Variants in RAD51B observed in about 807,000 individuals in gnomAD.
The protein encoded by RAD51B is DNA repair protein RAD51 homolog 2.
RAD51B carries 38 observed loss-of-function variants against 42.2 expected under a neutral mutation model. The ratio of observed to expected loss-of-function variants is 0.90; its 90% CI spans 0.70 to 1.18. RAD51B has a LOEUF of 1.18. RAD51B is among the 50% of genes most tolerant of loss of function. The pLI is 0.00. For synonymous variants in RAD51B, 154 were observed against 145.2 expected (o/e 1.06, Z -0.43); for missense variants, 373 against 400.7 (o/e 0.93, Z 0.59).
chr14:68,160,606 T>G (rs972240269), intron 7 of RAD51B, among the ~76,000 whole-genome samples: 7 of 152,262 alleles, frequency 4.6e-5, no homozygotes, highest in African/African-American at 1.4e-4. Flanking sequence ...TAATTTTGAT[T>G]TTTTAAAATA....
At chr14:68,202,851 G>A (rs2079517624) in intron 7 of RAD51B, among the ~76,000 whole-genome samples, 1 of 151,814 alleles carries the variant, frequency 6.6e-6, no homozygotes, top group South Asian at 2.1e-4. Flanking sequence ...CAAAGTGCTG[G>A]GATTACAAGC....
chr14:68,094,591 A>G (rs1370307129), intron 7 of RAD51B, among the ~76,000 whole-genome samples: 1 of 152,204 alleles, frequency 6.6e-6, no homozygotes, highest in Non-Finnish European at 1.5e-5. Context: ...TTTGCTTATG[A>G]AGGTTTAGGA....
intron 8 of RAD51B, among the ~76,000 whole-genome samples, chr14:68,364,239 A>G (rs953338596): frequency 6.6e-6 from 1 of 151,554 alleles, no homozygotes. Flanking sequence ...CCCACTCCTC[A>G]TCGCGGGCCT....
intron 10 of RAD51B, among the ~76,000 whole-genome samples, chr14:68,637,513 G>A (rs541994912): frequency 1.3e-5 from 2 of 152,320 alleles, no homozygotes; most frequent in African/African-American, 4.8e-5. Flanking sequence ...GAGCGAGATG[G>A]TGGTCTTTGT....
chr14:68,500,534 T>C (rs1032885386), intron 10 of RAD51B, among the ~76,000 whole-genome samples: 2 of 152,240 alleles, frequency 1.3e-5, no homozygotes, highest in Admixed American at 1.3e-4. Flanking sequence ...TGTATTTTAC[T>C]AGCAGCACTG....
chr14:68,157,709 A>C (rs1341598281), intron 7 of RAD51B, among the ~76,000 whole-genome samples: 1 of 152,238 alleles, frequency 6.6e-6, no homozygotes, highest in Non-Finnish European at 1.5e-5. Flanking sequence ...GAATAAAAAC[A>C]ATAATAATGG....
rs946068034 is a variant in RAD51B, at chr14:68,411,515, A to G, written c.945A>G (p.Ser315=). 1 of 1,613,832 alleles carries G rather than the reference A, an allele frequency of 6.2e-7. No homozygotes were observed. Among genetic ancestry groups the G allele is most frequent in the South Asian group, 1.1e-5 (1 of 91,076 alleles). ...NTRLILQYLD[S]ERRQILIAKS... ...GGCTGATCCTCCAGTACCTTGATTC[A>G]GAGAGAAGACAGGTGGGTGCTTTGA... Residue 315 remains serine (S), a synonymous_variant, in exon 9 of 11, where the codon TCA becomes TCG. Transcript: ENST00000471583.
intron 10 of RAD51B, among the ~76,000 whole-genome samples, chr14:68,489,063 C>T (rs567396624): frequency 6.6e-6 from 1 of 152,288 alleles, no homozygotes; most frequent in Admixed American, 6.5e-5. Context: ...AAGCAATTCT[C>T]CTGCCTCAGC....
chr14:68,682,870 C>G, intron 11 of RAD51B: 1 of 815,636 alleles, frequency 1.2e-6, no homozygotes, highest in South Asian at 5.8e-5. Flanking sequence ...GAGTATCTCA[C>G]AAGGCTTTTT....
intron 7 of RAD51B, among the ~76,000 whole-genome samples, chr14:67,947,416 A>G (rs1412436981): frequency 1.3e-5 from 2 of 152,156 alleles, no homozygotes; most frequent in Admixed American, 1.3e-4. Context: ...TCAATTATAA[A>G]TTTCATGAGG....
At chr14:68,244,185 T>C (rs761378379) in intron 7 of RAD51B, among the ~76,000 whole-genome samples, 6 of 152,104 alleles carry the variant, frequency 3.9e-5, no homozygotes, top group Non-Finnish European at 8.8e-5. Flanking sequence ...CTATATAAGA[T>C]ATATTTGACC....
intron 7 of RAD51B, among the ~76,000 whole-genome samples, chr14:67,917,308 C>T (rs542285186): frequency 5.3e-4 from 80 of 152,266 alleles, no homozygotes; most frequent in Non-Finnish European, 8.2e-4. Flanking sequence ...GCTCAACTTC[C>T]GCGGAGGCCT....
chr14:68,052,795 T>C (rs2076415059), intron 7 of RAD51B, among the ~76,000 whole-genome samples: 1 of 150,154 alleles, frequency 6.7e-6, no homozygotes, highest in South Asian at 2.1e-4. Flanking sequence ...TATTTTTTTG[T>C]GTTTTTTTTT....
chr14:68,408,139 GAGGAATGGAGAGTC>G (rs2084327539), intron 8 of RAD51B, among the ~76,000 whole-genome samples: 1 of 152,164 alleles, frequency 6.6e-6, no homozygotes, highest in Admixed American at 6.5e-5. Context: ...GTTGATTTAG[GAGGAATGGAGAGTC>G]AGGAATGGAT....
At chr14:68,531,190 GA>G (rs1465203018) in intron 10 of RAD51B, among the ~76,000 whole-genome samples, 4 of 150,096 alleles carry the variant, frequency 2.7e-5, no homozygotes, top group African/African-American at 7.3e-5. Flanking sequence ...CAGGAAAGAA[GA>G]AAAAAACCTA....
intron 8 of RAD51B, among the ~76,000 whole-genome samples, chr14:68,366,232 G>A (rs1342889725): frequency 6.6e-6 from 1 of 152,148 alleles, no homozygotes; most frequent in African/African-American, 2.4e-5. Context: ...CTCAACTAAA[G>A]TACTGTTCAT....
chr14:68,271,713 T>A (rs1198903283), intron 7 of RAD51B, among the ~76,000 whole-genome samples: 1 of 152,164 alleles, frequency 6.6e-6, no homozygotes, highest in Non-Finnish European at 1.5e-5. Flanking sequence ...GTGGCCAGGA[T>A]TAAAGGAGGT....
At chr14:68,570,804 C>T (rs6573841) in intron 10 of RAD51B, among the ~76,000 whole-genome samples, 36,573 of 151,936 alleles carry the variant, frequency 0.24, 5,103 homozygotes, top group Middle Eastern at 0.4. Flanking sequence ...ATTTAAGACA[C>T]TGTGATCAAT....
At chr14:68,664,148 T>C (rs1261345456) in intron 11 of RAD51B, among the ~76,000 whole-genome samples, 1 of 152,204 alleles carries the variant, frequency 6.6e-6, no homozygotes, top group African/African-American at 2.4e-5. Context: ...TGCTGTTATT[T>C]TATTAGCTAG....
Sources: gnomAD v4.1 joint callset for allele counts (sites outside exome capture counted in the v4.1 genomes callset) on GRCh38, gnomAD v4.1.1 for gene constraint, MANE v1.5 for transcripts, NCBI Gene and HGNC (gene_info 2026-07-23, HGNC 2026-07-21) for gene names.